Variants in CUL9 observed in about 807,000 individuals in gnomAD.
CUL9 encodes cullin 9.
Under a neutral mutation model 272.6 loss-of-function variants are expected in CUL9, and 79 were observed. That is an observed-to-expected ratio of 0.29 (90% CI 0.24 to 0.35). The LOEUF (loss-of-function observed/expected upper bound fraction) is 0.35. Among genes scored for constraint, CUL9 ranks in the 10% least tolerant of loss-of-function variants. CUL9 has a pLI of 1.00. For missense variants in CUL9, 2,532 were observed against 3,255.6 expected (o/e 0.78, Z 5.41); for synonymous variants, 1,186 against 1,286.5 (o/e 0.92, Z 1.67).
rs1411485196 is a variant in CUL9 at position 43,202,701 on chromosome 6, T to C, written c.3648-15T>C. ...CAGAGGCCCAGCTTTGACTGTTTCC[T>C]TTCTTCTTTCCCAGGCAGCTCACTT... On this transcript the variant is annotated splice_polypyrimidine_tract_variant and intron_variant, in intron 16 of 40. Transcript: ENST00000252050. 1.2e-6 allele frequency: 2 copies of C among 1,612,732 alleles called. No individual in the cohort carries two copies. Among genetic ancestry groups the C allele is most frequent in the South Asian group, 2.2e-5 (2 of 91,056 alleles).
chr6:43,210,729 CATA>C (rs1192020643), intron 26 of CUL9, among the ~76,000 whole-genome samples: 2 of 152,078 alleles, frequency 1.3e-5, no homozygotes, highest in Non-Finnish European at 1.5e-5. Context: ...ATAACAAATT[CATA>C]ATAAATTCAT....
intron 7 of CUL9, 178 bp downstream of exon 7, chr6:43,188,296 C>T (rs572264520): frequency 3.0e-5 from 25 of 828,718 alleles, no homozygotes; most frequent in Non-Finnish European, 4.2e-5. Flanking sequence ...AATTAACCAG[C>T]GCTCCCTTCC....
rs776986537 is a variant in CUL9 at position 43,185,975 on chromosome 6, C to T, written c.771C>T (p.Phe257=). ...TACAGATCCCAGGAAAGCTGCTTTT[C>T]TCCTTGGTGAAGCGCTACCTTTGTG... ...HLPQIPGKLL[F]SLVKRYLCVT... is the part of the protein sequence containing the mutation. The change falls in exon 4 of 41, where the codon TTC becomes TTT. Residue 257 remains phenylalanine, a synonymous_variant. Coordinates refer to ENST00000252050, the MANE Select transcript of CUL9 (RefSeq NM_015089.4). The T allele has an allele frequency of 6.2e-7, 1 of 1,608,622 alleles. No individual in the cohort carries two copies. Among genetic ancestry groups the T allele is most frequent in the African/African-American group, 1.3e-5 (1 of 74,826 alleles).
In CUL9 at chr6:43,196,801, C is replaced by T. The variant is rs756305483; in HGVS notation, c.2742C>T (p.Arg914=). ...GAACAGAACCTATGCCTACCACACG[C>T]ACCATCCTCATGATGCTTCTCAATC... ...APRTEPMPTT[R]TILMMLLNRY... The change falls in exon 11 of 41, where the codon CGC becomes CGT. Residue 914 remains arginine (R), a synonymous_variant. Coordinates refer to ENST00000252050, the MANE Select transcript of CUL9 (RefSeq NM_015089.4). The T allele has an allele frequency of 1.2e-6, 2 of 1,614,218 alleles. No individual in the cohort carries two copies. The highest frequency in any genetic ancestry group is 1.7e-6 in the Non-Finnish European group (2 of 1,180,046).
At chr6:43,195,189 T>G (rs900284800) in intron 9 of CUL9, among the ~76,000 whole-genome samples, 3 of 152,072 alleles carry the variant, frequency 2.0e-5, no homozygotes, top group African/African-American at 7.2e-5. Context: ...GCTTGGAGGG[T>G]CCAGGCCTTA....
In CUL9 at chr6:43,185,614, C is replaced by T. The variant is rs769634394; in HGVS notation, c.750+4C>T. On this transcript the variant is annotated splice_donor_region_variant and intron_variant, in intron 3 of 40. Coordinates refer to ENST00000252050, the MANE Select transcript of CUL9 (RefSeq NM_015089.4). ...TGAGGGCATTCATCTGCCTCAGGTA[C>T]ACTGCCAGCTGTAGGGAAATGCTGT... 6.8e-6 allele frequency: 11 copies of T among 1,610,148 alleles called. No homozygotes were observed. Among genetic ancestry groups the T allele is most frequent in the Non-Finnish European group, 7.6e-6 (9 of 1,179,394 alleles).
At position 43,206,276 on chromosome 6, in the gene CUL9, C is replaced by G; in HGVS notation, c.5022+41C>G. ...ATAGGAGAGTGAGAGAAGACTAGAC[C>G]AAGGAAGGGAGCCCAAGGGCCCTTG... On this transcript the variant is annotated intron_variant, in intron 25 of 40. Coordinates refer to ENST00000252050, the MANE Select transcript of CUL9 (RefSeq NM_015089.4). The surrounding 1 kb of genome is among the most constrained non-coding windows in gnomAD (Gnocchi z 4.8). The G allele has an allele frequency of 6.2e-7, 1 of 1,611,900 alleles. No homozygotes were observed. Among genetic ancestry groups the G allele is most frequent in the East Asian group, 2.2e-5 (1 of 44,846 alleles).
chr6:43,223,533 C>T lies in CUL9; in HGVS notation c.7284+136C>T, dbSNP rs943614644. Reference sequence around the variant, plus strand: ...CGGGTGAATGGATGTTAGACCTGGGCGCACATCCCGGCTTTTGGGCCAACC... The same window carrying T: ...CGGGTGAATGGATGTTAGACCTGGGTGCACATCCCGGCTTTTGGGCCAACC... On this transcript the variant is annotated intron_variant, in intron 39 of 40. Transcript: ENST00000252050. This position sits in a 1 kb window ranked among gnomAD's most constrained non-coding sequence, Gnocchi z 4.1. 3.2e-6 allele frequency: 4 copies of T among 1,256,850 alleles called. No homozygotes were observed. The highest frequency in any genetic ancestry group is 2.8e-4 in the Middle Eastern group (1 of 3,584). 77.9% of individuals were successfully genotyped at this position (1,256,850 alleles called of 1,614,324 possible).
At position 43,186,083 on chromosome 6, in the gene CUL9, A is replaced by G. The variant is rs553582467; in HGVS notation, c.879A>G (p.Lys293=). 1.2e-6 allele frequency: 2 copies of G among 1,613,932 alleles called. No homozygotes were observed. The highest frequency in any genetic ancestry group is 2.7e-5 in the African/African-American group (2 of 74,882). ...GCTCCCCATGTGCCACAAGAGAGAA[A>G]AGCCGGGGACAGCGGGAACTGGAGT... ...DQSSPCATRE[K]SRGQRELEFS... The change falls in exon 4 of 41, where the codon AAA becomes AAG. Residue 293 remains lysine, a synonymous_variant. Transcript: ENST00000252050.
In CUL9 at chr6:43,221,550, C is replaced by A. The variant is rs1472546558; in HGVS notation, c.6753-135C>A. The A allele has an allele frequency of 4.4e-6, 4 of 900,556 alleles. No homozygotes were observed. The Admixed American group carries it at 9.8e-5, about 22-fold the overall frequency. The allele number at this position is 900,556 out of a possible 1,614,324, so 55.8% of individuals were successfully genotyped here. ...AAAAGCAGAGGTGCATTCAGCAGGG[C>A]TGGGTATGACTAAGGAGACTATCAG... On this transcript the variant is annotated intron_variant, in intron 34 of 40. Coordinates refer to ENST00000252050, the MANE Select transcript of CUL9 (RefSeq NM_015089.4). The surrounding 1 kb of genome is among the most constrained non-coding windows in gnomAD (Gnocchi z 4.2).
At chr6:43,222,468 G>T in intron 36 of CUL9, 63 bp from the exon 37 acceptor site, 1 of 1,601,010 alleles carries the variant, frequency 6.2e-7, no homozygotes, top group Non-Finnish European at 8.6e-7. Context: ...TGGGCTGAAG[G>T]TCTGACCGGG....
intron 16 of CUL9, among the ~76,000 whole-genome samples, chr6:43,201,386 G>T (rs1044917733): frequency 6.6e-6 from 1 of 152,206 alleles, no homozygotes; most frequent in East Asian, 1.9e-4. Flanking sequence ...CATAAGGACA[G>T]CATATGTGCA....
At position 43,204,508 on chromosome 6, in the gene CUL9, TG is replaced by T; in HGVS notation, c.4311del (p.Pro1438LeufsTer32). On this transcript the variant is annotated frameshift_variant, in exon 21 of 41. Coordinates refer to ENST00000252050, the MANE Select transcript of CUL9 (RefSeq NM_015089.4). LOFTEE classifies it high-confidence loss of function. The part of the protein sequence containing the change: ...HLLVHVEPPP[G>X]PSPEPSTRPF... ...TGCTGGTGCATGTGGAACCTCCTCC[TG>T]GGCCTTCTCCTGAGCCATCCACTCG... is the stretch of plus-strand genomic sequence containing the variant. 8.7e-6 allele frequency: 14 copies of T among 1,614,104 alleles called. No individual in the cohort carries two copies. The highest frequency in any genetic ancestry group is 1.2e-5 in the Non-Finnish European group (14 of 1,180,028).
Position 43,220,984 on chromosome 6 carries a change from C to CCA in CUL9, c.6588+82_6588+83dup. Reference sequence around the variant, plus strand: ...TTCCCTGCTTAATATCCCCACCCCGCCACACACACAGACTGTGACTTGTCC... The same window carrying CCA: ...TTCCCTGCTTAATATCCCCACCCCGCCACACACACACAGACTGTGACTTGTCC... On this transcript the variant is annotated intron_variant, in intron 33 of 40. Coordinates refer to ENST00000252050, the MANE Select transcript of CUL9 (RefSeq NM_015089.4). The surrounding 1 kb of genome is among the most constrained non-coding windows in gnomAD (Gnocchi z 4.9). 1.3e-6 allele frequency: 2 copies of CCA among 1,491,752 alleles called. No homozygotes were observed. The highest frequency in any genetic ancestry group is 1.8e-6 in the Non-Finnish European group (2 of 1,112,646). 92.4% of individuals were successfully genotyped at this position (1,491,752 alleles called of 1,614,324 possible).
chr6:43,215,971 A>G (rs1775899200), intron 30 of CUL9, among the ~76,000 whole-genome samples, 187 bp from the exon 31 acceptor site: 1 of 152,150 alleles, frequency 6.6e-6, no homozygotes. Flanking sequence ...AGCCAGCCCC[A>G]CCCTGACATT....
intron 9 of CUL9, among the ~76,000 whole-genome samples, chr6:43,194,073 G>C (rs531113492): frequency 6.6e-6 from 1 of 152,284 alleles, no homozygotes; most frequent in Non-Finnish European, 1.5e-5. Context: ...TTGGCTTCCT[G>C]GTTACTCCAG....
At chr6:43,194,466 G>A (rs1197696336) in intron 9 of CUL9, among the ~76,000 whole-genome samples, 4 of 151,780 alleles carry the variant, frequency 2.6e-5, no homozygotes, top group Admixed American at 1.3e-4. Context: ...TTACAGGCAC[G>A]TGCCACCATG....
Position 43,221,918 on chromosome 6 carries a change from A to C in CUL9, c.6846+140A>C. On this transcript the variant is annotated intron_variant, in intron 35 of 40. Transcript: ENST00000252050. This position sits in a 1 kb window ranked among gnomAD's most constrained non-coding sequence, Gnocchi z 4.2. ...GATAGAGGCTCACTGTGGGGAAGAC[A>C]GAGCCACCTGGGCCTGCAGATGCTG... 1 of 709,016 alleles carries C rather than the reference A, an allele frequency of 1.4e-6. No homozygotes were observed. The highest frequency in any genetic ancestry group is 2.3e-6 in the Non-Finnish European group (1 of 431,532). The allele number at this position is 709,016 out of a possible 1,614,324, so 43.9% of individuals were successfully genotyped here. A position where few individuals can be genotyped will look rare whatever the true frequency, so the allele number is the denominator to read the frequency against.
Position 43,218,274 on chromosome 6 carries a change from T to G in CUL9, c.6282+1771T>G, listed in dbSNP as rs879726304. Among the ~76,000 whole-genome samples, 1 of 152,182 alleles carries G rather than the reference T, an allele frequency of 6.6e-6. No individual in the cohort carries two copies. Among genetic ancestry groups the G allele is most frequent in the Non-Finnish European group, 1.5e-5 (1 of 68,034 alleles). On this transcript the variant is annotated intron_variant, in intron 31 of 40. Coordinates refer to ENST00000252050, the MANE Select transcript of CUL9 (RefSeq NM_015089.4). This position sits in a 1 kb window ranked among gnomAD's most constrained non-coding sequence, Gnocchi z 4.4. ...CTCTGTCACCCAGGCTGCAGTGCAG[T>G]GGCGCGATCTCGGCTCATTGCAACC...
Sources: gnomAD v4.1 joint callset for allele counts (sites outside exome capture counted in the v4.1 genomes callset) on GRCh38, gnomAD v4.1.1 for gene constraint, Gnocchi (gnomAD v3.1) non-coding constraint, MANE v1.5 for transcripts, NCBI Gene and HGNC (gene_info 2026-07-23, HGNC 2026-07-21) for gene names.